Variants in MCPH1 observed in about 807,000 individuals in gnomAD.
MCPH1 encodes the protein microcephalin 1.
A neutral mutation model predicts 84.5 loss-of-function variants in MCPH1; 104 were observed. The observed-to-expected ratio is 1.23, with a 90% CI of 1.05 to 1.45. The LOEUF (loss-of-function observed/expected upper bound fraction) is 1.45, where lower values mean the gene tolerates loss of function less well. Among genes scored for constraint, MCPH1 ranks in the 40% most tolerant of loss-of-function variants. The pLI, the probability that MCPH1 is intolerant of heterozygous loss-of-function variation, is 0.00. For missense variants in MCPH1, 1,498 were observed against 1,005.7 expected (o/e 1.49, Z -6.62); for synonymous variants, 514 against 366.8 (o/e 1.40, Z -4.58).
intron 13 of MCPH1, chr8:6,625,849 G>C: frequency 1.0e-6 from 1 of 985,342 alleles, no homozygotes; most frequent in South Asian, 4.7e-5. Context: ...TAACAGTCTT[G>C]TTTTGCAGAT....
chr8:6,530,193 G>C lies in MCPH1; in HGVS notation c.2214+30264G>C, dbSNP rs561366269. Among the ~76,000 whole-genome samples, 3 of 152,100 alleles carry C rather than the reference G, an allele frequency of 2.0e-5. 1 individual carries two copies. The highest frequency in any genetic ancestry group is 4.2e-4 in the South Asian group (2 of 4,816). On this transcript the variant is annotated intron_variant, in intron 12 of 13. Coordinates refer to ENST00000344683, the MANE Select transcript of MCPH1 (RefSeq NM_024596.5). The stretch of plus-strand genomic sequence containing the variant: ...TAATCATTACTAATTTATTTTAATA[G>C]GTTGGTGCAATTTTGCCATTGAAAG...
intron 13 of MCPH1, among the ~76,000 whole-genome samples, chr8:6,638,811 CTG>C (rs1797737529): frequency 6.6e-6 from 1 of 152,054 alleles, no homozygotes. Flanking sequence ...ATCATTTTTC[CTG>C]TGTGTGTTTA....
At chr8:6,626,568 C>A (rs1305301583) in intron 13 of MCPH1, 1 of 983,524 alleles carries the variant, frequency 1.0e-6, no homozygotes, top group Non-Finnish European at 1.2e-6. Context: ...AAATTCCCGG[C>A]CCTAGGAAAT....
intron 12 of MCPH1, among the ~76,000 whole-genome samples, chr8:6,582,773 T>C (rs756787748): frequency 3.2e-4 from 49 of 152,218 alleles, no homozygotes; most frequent in Non-Finnish European, 5.6e-4. Context: ...CTGTTTCGCT[T>C]GGAAACTCTA....
At position 6,643,149 on chromosome 8, in the gene MCPH1, T is replaced by A; in HGVS notation, c.*100T>A. The A allele has an allele frequency of 9.8e-7, 1 of 1,023,066 alleles. No individual in the cohort carries two copies. The highest frequency in any genetic ancestry group is 1.5e-6 in the Non-Finnish European group (1 of 659,210). The allele number at this position is 1,023,066 out of a possible 1,614,324, so 63.4% of individuals were successfully genotyped here. ...ACTGTGAAGAGAAGGAACTGGCGTA[T>A]ACAAGATGACTTCTGATATCATGTT... On this transcript the variant is annotated 3_prime_UTR_variant, in exon 14 of 14. Coordinates refer to ENST00000344683, the MANE Select transcript of MCPH1 (RefSeq NM_024596.5).
chr8:6,624,774 A>T, intron 13 of MCPH1: 1 of 980,548 alleles, frequency 1.0e-6, no homozygotes, highest in Non-Finnish European at 1.2e-6. Context: ...CCATACATAC[A>T]CACGTAAACC....
At chr8:6,428,909 C>T (rs1801447180) in intron 3 of MCPH1, among the ~76,000 whole-genome samples, 1 of 68,272 alleles carries the variant, frequency 1.5e-5, no homozygotes, top group East Asian at 5.3e-4. Context: ...CGGTGACCTC[C>T]ATATTTCTAA....
At position 6,488,886 on chromosome 8, in the gene MCPH1, G is replaced by T. The variant is rs151022330; in HGVS notation, c.2136+8010G>T. On this transcript the variant is annotated intron_variant, in intron 11 of 13. Coordinates refer to ENST00000344683, the MANE Select transcript of MCPH1 (RefSeq NM_024596.5). Reference sequence around the variant, plus strand: ...AAAATGACTGCGGCTGTGTCTAGAGGGGGGGTTGATAGGTGGAGAGGAGAG... The same window carrying T: ...AAAATGACTGCGGCTGTGTCTAGAGTGGGGGTTGATAGGTGGAGAGGAGAG... Among the ~76,000 whole-genome samples the T allele has an allele frequency of 9.3e-3, 1,411 of 152,194 alleles. 9 individuals are homozygous for T. Among genetic ancestry groups the T allele is most frequent in the Middle Eastern group, 0.024 (7 of 294 alleles).
At chr8:6,472,940 CAGAG>C (rs1397696642) in intron 9 of MCPH1, among the ~76,000 whole-genome samples, 1 of 152,116 alleles carries the variant, frequency 6.6e-6, no homozygotes, top group Non-Finnish European at 1.5e-5. Flanking sequence ...TAAAAGTAAA[CAGAG>C]AGGTAACATG....
intron 8 of MCPH1, chr8:6,447,521 C>T (rs939856262): frequency 5.9e-6 from 4 of 676,774 alleles, no homozygotes; most frequent in African/African-American, 5.9e-5. Flanking sequence ...GGGAACTGAG[C>T]GAGAAACAAT....
chr8:6,551,751 A>G (rs894917726), intron 12 of MCPH1, among the ~76,000 whole-genome samples: 3 of 152,116 alleles, frequency 2.0e-5, no homozygotes, highest in South Asian at 2.1e-4. Context: ...AATTTCATAT[A>G]CCCCCAAATA....
intron 9 of MCPH1, among the ~76,000 whole-genome samples, chr8:6,473,191 T>C (rs1208628720): frequency 2.0e-5 from 3 of 152,146 alleles, no homozygotes; most frequent in Non-Finnish European, 4.4e-5. Context: ...TTTAAATGTT[T>C]AGTCTTTAGT....
intron 9 of MCPH1, among the ~76,000 whole-genome samples, chr8:6,466,303 AT>A (rs749976037): frequency 0.018 from 2,547 of 138,252 alleles, 63 homozygotes; most frequent in African/African-American, 0.059. Context: ...CGCCTGGCTA[AT>A]TTTTTTTTTT....
Position 6,414,765 on chromosome 8 carries a change from G to C in MCPH1, c.115G>C (p.Val39Leu). ...TTQLVDMGAK[V>L]SKTFNKQVTH... is the part of the protein sequence containing the mutation. ...TTTGTTTTCTGCATTTTGTCTACAGGTTTCAAAAACTTTTAACAAACAAGT... is the reference window on the plus strand; with the variant it reads ...TTTGTTTTCTGCATTTTGTCTACAGCTTTCAAAAACTTTTAACAAACAAGT... Residue 39 changes from valine to leucine, a missense_variant and splice_region_variant, in exon 3 of 14, where the codon GTT (valine) becomes CTT (leucine). By Grantham distance (32) the Val-to-Leu change is conservative. Transcript: ENST00000344683. The C allele has an allele frequency of 1.2e-6, 2 of 1,613,430 alleles. No individual in the cohort carries two copies. The highest frequency in any genetic ancestry group is 1.7e-6 in the Non-Finnish European group (2 of 1,179,678).
chr8:6,536,705 A>G (rs1396569282), intron 12 of MCPH1, among the ~76,000 whole-genome samples: 5 of 152,226 alleles, frequency 3.3e-5, no homozygotes, highest in African/African-American at 1.2e-4. Flanking sequence ...CATTTAATGT[A>G]GCCTTTCCAT....
rs2129555757 is a variant in MCPH1, at chr8:6,445,412, A to G, written c.1690A>G (p.Lys564Glu). The part of the protein sequence containing the change: ...EAVGLKSTQN[K>E]GTTSKISNSS... ...GGTTGGTCTGAAAAGCACACAGAAC[A>G]AAGGTACCACTTCCAAAATATCAAA... is the stretch of plus-strand genomic sequence containing the variant. Residue 564 changes from lysine to glutamate, a missense_variant, in exon 8 of 14, where the codon AAA becomes GAA. By Grantham distance (56) the Lys-to-Glu change is moderately conservative (BLOSUM62 1). Coordinates refer to ENST00000344683, the MANE Select transcript of MCPH1 (RefSeq NM_024596.5). 1 of 1,614,270 alleles carries G rather than the reference A, an allele frequency of 6.2e-7. No individual in the cohort carries two copies. Among genetic ancestry groups the G allele is most frequent in the East Asian group, 2.2e-5 (1 of 44,888 alleles).
At chr8:6,548,511 C>G (rs1455205631) in intron 12 of MCPH1, among the ~76,000 whole-genome samples, 2 of 152,158 alleles carry the variant, frequency 1.3e-5, no homozygotes, top group Admixed American at 1.3e-4. Context: ...AGCTTACTTG[C>G]ATTTCAGTGG....
At chr8:6,484,281 C>G (rs527947857) in intron 11 of MCPH1, among the ~76,000 whole-genome samples, 15 of 152,344 alleles carry the variant, frequency 9.8e-5, no homozygotes, top group African/African-American at 3.6e-4. Flanking sequence ...TGAGGACACA[C>G]AGATGGCAAA....
chr8:6,481,867 T>C (rs1240523228), intron 11 of MCPH1, among the ~76,000 whole-genome samples: 1 of 152,226 alleles, frequency 6.6e-6, no homozygotes, highest in African/African-American at 2.4e-5. Context: ...ATCCAGGGTT[T>C]TGTTTTGTGT....
Sources: allele counts gnomAD v4.1 joint callset (sites outside exome capture counted in the v4.1 genomes callset), GRCh38; gene constraint gnomAD v4.1.1; transcripts MANE v1.5; gene names NCBI Gene and HGNC (gene_info 2026-07-23, HGNC 2026-07-21).